The following AGBL1 variants were observed in gnomAD, a reference collection of about 807,000 sequenced individuals.
The protein encoded by AGBL1 is AGBL carboxypeptidase 1, also known as cytosolic carboxypeptidase 4.
Under a neutral mutation model 118.9 loss-of-function variants are expected in AGBL1, and 130 were observed. The ratio of observed to expected loss-of-function variants is 1.09; its 90% CI spans 0.95 to 1.26. The LOEUF (loss-of-function observed/expected upper bound fraction) is 1.26. Among genes scored for constraint, AGBL1 ranks in the 50% most tolerant of loss-of-function variants. The pLI, the probability that AGBL1 is intolerant of heterozygous loss-of-function variation, is 0.00. For missense variants in AGBL1, 1,584 were observed against 1,298.1 expected (o/e 1.22, Z -3.38); for synonymous variants, 555 against 478.9 (o/e 1.16, Z -2.08).
intron 8 of AGBL1, 95 bp from the exon 9 acceptor site, chr15:86,257,869 G>C: frequency 8.5e-7 from 1 of 1,178,226 alleles, no homozygotes. Context: ...ATTTGAGAGA[G>C]GAAGAAGAAA....
chr15:86,674,245 C>T, intron 21 of AGBL1, 28 bp from the exon 22 acceptor site: 1 of 1,586,516 alleles, frequency 6.3e-7, no homozygotes, highest in African/African-American at 1.3e-5. Flanking sequence ...TATACGTTGC[C>T]ACAGTTAATG....
chr15:86,538,722 G>T (rs767335316), intron 19 of AGBL1, among the ~76,000 whole-genome samples: 10 of 152,224 alleles, frequency 6.6e-5, no homozygotes, highest in Non-Finnish European at 8.8e-5. Context: ...ATACTGGGAA[G>T]CAGGAATGAG....
intron 17 of AGBL1, among the ~76,000 whole-genome samples, chr15:86,384,346 A>G (rs182104505): frequency 1.7e-4 from 26 of 152,260 alleles, no homozygotes; most frequent in African/African-American, 6.3e-4. Context: ...GCAGGTCTGC[A>G]CCACAGTTGC....
chr15:86,447,990 C>T (rs1390227025), intron 18 of AGBL1, among the ~76,000 whole-genome samples: 2 of 151,724 alleles, frequency 1.3e-5, no homozygotes, highest in East Asian at 1.9e-4. Flanking sequence ...ACAAAAAATA[C>T]AAAAACTAGC....
At chr15:86,230,561 G>T (rs1319693965) in intron 6 of AGBL1, among the ~76,000 whole-genome samples, 2 of 152,184 alleles carry the variant, frequency 1.3e-5, no homozygotes, top group African/African-American at 4.8e-5. Flanking sequence ...GCCCTGCCTT[G>T]ATGAGAATGA....
intron 22 of AGBL1, among the ~76,000 whole-genome samples, chr15:86,714,571 G>T (rs759295882): frequency 6.6e-6 from 1 of 152,078 alleles, no homozygotes; most frequent in African/African-American, 2.4e-5. Flanking sequence ...AAACAACTAA[G>T]ATTCAAACGT....
intron 21 of AGBL1, among the ~76,000 whole-genome samples, chr15:86,618,691 G>T (rs2084763629): frequency 6.6e-6 from 1 of 152,180 alleles, no homozygotes; most frequent in African/African-American, 2.4e-5. Context: ...AAGACATGCA[G>T]ATTTATTTGA....
chr15:86,306,112 C>T (rs373271184), intron 17 of AGBL1, among the ~76,000 whole-genome samples: 153 of 152,036 alleles, frequency 1.0e-3, no homozygotes, highest in African/African-American at 3.5e-3. Context: ...ATAAGCACAT[C>T]ATGGACAATG....
intron 21 of AGBL1, among the ~76,000 whole-genome samples, chr15:86,577,204 A>G (rs1227917673): frequency 2.0e-5 from 3 of 152,204 alleles, no homozygotes; most frequent in Non-Finnish European, 4.4e-5. Flanking sequence ...AGGTGGTCTC[A>G]CATGGAGATG....
chr15:86,639,047 C>T (rs2085150118), intron 21 of AGBL1, among the ~76,000 whole-genome samples: 1 of 152,202 alleles, frequency 6.6e-6, no homozygotes, highest in African/African-American at 2.4e-5. Context: ...TGCTGCAGCT[C>T]ACTTCATCCA....
chr15:86,870,577 C>T (rs1238550701), intron 22 of AGBL1, among the ~76,000 whole-genome samples: 1 of 146,490 alleles, frequency 6.8e-6, no homozygotes, highest in African/African-American at 2.5e-5. Context: ...GAAAATTGTA[C>T]ACATGCTTAC....
intron 22 of AGBL1, among the ~76,000 whole-genome samples, chr15:86,837,968 C>T (rs935145578): frequency 2.6e-5 from 4 of 152,170 alleles, no homozygotes; most frequent in African/African-American, 9.7e-5. Context: ...GGGAACACTG[C>T]CATCTTCATG....
intron 22 of AGBL1, among the ~76,000 whole-genome samples, chr15:86,701,614 T>G (rs1051419647): frequency 6.6e-6 from 1 of 151,894 alleles, no homozygotes; most frequent in African/African-American, 2.4e-5. Context: ...CCAGATAGAA[T>G]GGTAAAACAT....
At chr15:86,474,326 C>A (rs997548820) in intron 18 of AGBL1, among the ~76,000 whole-genome samples, 5 of 152,182 alleles carry the variant, frequency 3.3e-5, no homozygotes, top group Admixed American at 2.0e-4. Context: ...CCTTTCCTAG[C>A]TAAGTGAAGC....
chr15:86,846,610 C>A (rs1198162786), intron 22 of AGBL1, among the ~76,000 whole-genome samples: 2 of 152,206 alleles, frequency 1.3e-5, no homozygotes, highest in Admixed American at 1.3e-4. Flanking sequence ...TGGCTCACTG[C>A]AACCTCTGCC....
chr15:86,378,451 C>G (rs536467765), intron 17 of AGBL1, among the ~76,000 whole-genome samples: 1 of 152,172 alleles, frequency 6.6e-6, no homozygotes, highest in East Asian at 1.9e-4. Context: ...TCTAGAGACC[C>G]CTTTGCCTCA....
At chr15:86,838,183 A>G (rs2079194495) in intron 22 of AGBL1, among the ~76,000 whole-genome samples, 1 of 151,750 alleles carries the variant, frequency 6.6e-6, no homozygotes, top group Non-Finnish European at 1.5e-5. Flanking sequence ...TGTAACCTAA[A>G]AAAAAAAAAA....
intron 17 of AGBL1, among the ~76,000 whole-genome samples, chr15:86,334,507 A>G (rs1007784443): frequency 1.3e-5 from 2 of 152,232 alleles, no homozygotes; most frequent in Non-Finnish European, 2.9e-5. Flanking sequence ...TAAAAGAAAC[A>G]TAGATGACAG....
chr15:86,857,204 G>C (rs1437502676), intron 22 of AGBL1, among the ~76,000 whole-genome samples: 1 of 152,144 alleles, frequency 6.6e-6, no homozygotes, highest in Non-Finnish European at 1.5e-5. Flanking sequence ...AGCTATTACT[G>C]TCCAACTGGG....
Sources: allele counts gnomAD v4.1 joint callset (sites outside exome capture counted in the v4.1 genomes callset), GRCh38; gene constraint gnomAD v4.1.1; transcripts MANE v1.5; gene names NCBI Gene and HGNC (gene_info 2026-07-23, HGNC 2026-07-21).